The following PRIMA1 variants were observed in gnomAD, a reference collection of about 807,000 sequenced individuals.
PRIMA1 encodes proline-rich membrane anchor 1.
In PRIMA1, 7 loss-of-function variants were observed where a neutral mutation model predicts 17.5. That is an observed-to-expected ratio of 0.40 (90% confidence interval 0.23 to 0.75). The LOEUF (loss-of-function observed/expected upper bound fraction) is 0.75. PRIMA1 is among the 30% of genes least tolerant of loss of function. The probability of loss-of-function intolerance (pLI) is 0.37; values close to 1 mark genes in which losing one functional copy is unlikely to be tolerated. For missense variants in PRIMA1, 200 were observed against 201.8 expected, an observed-to-expected ratio of 0.99 and a Z score of 0.05; for synonymous variants, 97 against 77.9, an observed-to-expected ratio of 1.25 and a Z score of -1.29.
At chr14:93,742,117 T>TTA in intron 3 of PRIMA1, among the ~76,000 whole-genome samples, 1 of 152,198 alleles carries the variant, frequency 6.6e-6, no homozygotes, top group Non-Finnish European at 1.5e-5. Flanking sequence ...GGGCCAGATC[T>TTA]GCCCTCCTGT....
chr14:93,767,408 A>T (rs1884923807), intron 3 of PRIMA1, among the ~76,000 whole-genome samples: 1 of 152,106 alleles, frequency 6.6e-6, no homozygotes, highest in Non-Finnish European at 1.5e-5. Flanking sequence ...AGAGAGGAGG[A>T]GCAGGGAAAG....
At chr14:93,783,536 A>G (rs1347612854) in intron 2 of PRIMA1, among the ~76,000 whole-genome samples, 4 of 152,202 alleles carry the variant, frequency 2.6e-5, no homozygotes, top group Admixed American at 2.6e-4. Flanking sequence ...ATCTTGGGGA[A>G]TTTCAAAAGG....
chr14:93,786,155 G>C (rs75744899), intron 2 of PRIMA1, among the ~76,000 whole-genome samples: 4 of 152,122 alleles, frequency 2.6e-5, no homozygotes, highest in African/African-American at 9.7e-5. Context: ...ATCTAAAAAC[G>C]AAGTGAACTC....
intron 4 of PRIMA1, among the ~76,000 whole-genome samples, chr14:93,735,628 G>A (rs1449173180): frequency 2.6e-5 from 4 of 151,876 alleles, no homozygotes; most frequent in African/African-American, 9.7e-5. Context: ...TACAAAACAC[G>A]TGGGAATTGG....
At position 93,720,703 on chromosome 14, in the gene PRIMA1, G is replaced by GGGCT. The variant is rs1250215848; in HGVS notation, c.*737_*740dup. On this transcript the variant is annotated 3_prime_UTR_variant, in exon 5 of 5. Transcript: ENST00000393140. ...GCCTCTGCCCTTGCCCAGTGGCCCT[G>GGGCT]GGCTGCGGGTTCAGTGAGTCGTTTT... is the stretch of plus-strand genomic sequence containing the variant. The GGGCT allele has an allele frequency of 6.5e-6, 1 of 152,780 alleles. No homozygotes were observed. Among genetic ancestry groups the GGGCT allele is most frequent in the Non-Finnish European group, 1.5e-5 (1 of 68,230 alleles). The allele number at this position is 152,780 out of a possible 1,614,324, so 9.5% of individuals were successfully genotyped here.
chr14:93,723,017 G>A lies in PRIMA1; in HGVS notation c.360-1471C>T, dbSNP rs947822537. ...GCTCTGAGAAGGCTGTTGCTCACTTGCTGGGGTTCTGAAATTACAGTGTAC... is the reference window on the plus strand; with the variant it reads ...GCTCTGAGAAGGCTGTTGCTCACTTACTGGGGTTCTGAAATTACAGTGTAC... On this transcript the variant is annotated intron_variant, in intron 4 of 4. Transcript: ENST00000393140. Among the ~76,000 whole-genome samples, 3 of 152,216 alleles carry A rather than the reference G, an allele frequency of 2.0e-5. No homozygotes were observed. The East Asian group carries it at 5.8e-4, about 29-fold the overall frequency.
intron 2 of PRIMA1, among the ~76,000 whole-genome samples, chr14:93,783,705 C>A (rs1398052454): frequency 1.3e-5 from 2 of 152,224 alleles, no homozygotes; most frequent in Admixed American, 1.3e-4. Flanking sequence ...CAATCGTCTG[C>A]CTTCCAGGCC....
intron 4 of PRIMA1, among the ~76,000 whole-genome samples, chr14:93,723,966 C>A (rs1283916703): frequency 1.3e-5 from 2 of 152,212 alleles, no homozygotes; most frequent in Admixed American, 6.5e-5. Flanking sequence ...CTCACTGCAA[C>A]CTTGCACTCC....
intron 3 of PRIMA1, among the ~76,000 whole-genome samples, chr14:93,741,037 T>C (rs1214674911): frequency 6.6e-6 from 1 of 152,184 alleles, no homozygotes; most frequent in Non-Finnish European, 1.5e-5. Context: ...CCCTCTAATA[T>C]TCTGCAAGCA....
intron 3 of PRIMA1, among the ~76,000 whole-genome samples, chr14:93,773,985 G>A (rs1432621807): frequency 1.3e-5 from 2 of 152,064 alleles, no homozygotes; most frequent in Non-Finnish European, 2.9e-5. Context: ...CCAGCTACTC[G>A]GGAAGCTGAG....
At chr14:93,781,978 A>G (rs1885389486) in intron 2 of PRIMA1, among the ~76,000 whole-genome samples, 1 of 136,956 alleles carries the variant, frequency 7.3e-6, no homozygotes, top group Non-Finnish European at 1.6e-5. Flanking sequence ...AGTCTCAAAA[A>G]AGAATAAGGC....
In PRIMA1 at chr14:93,787,742, G is replaced by T; in HGVS notation, c.-24C>A. The T allele has an allele frequency of 6.5e-7, 1 of 1,540,612 alleles. No homozygotes were observed. ...ATCTCGGCCAGCGGCGCCCGCTCCTGGGGCGAACTGTCAGGAGAGCAAGGC... is the reference window on the plus strand; with the variant it reads ...ATCTCGGCCAGCGGCGCCCGCTCCTTGGGCGAACTGTCAGGAGAGCAAGGC... On this transcript the variant is annotated 5_prime_UTR_variant, in exon 2 of 5. Transcript: ENST00000393140.
chr14:93,750,113 G>C (rs186580324), intron 3 of PRIMA1, among the ~76,000 whole-genome samples: 1 of 152,214 alleles, frequency 6.6e-6, no homozygotes, highest in East Asian at 1.9e-4. Context: ...GCTTGAGCCC[G>C]GGAGGCAGAG....
intron 3 of PRIMA1, among the ~76,000 whole-genome samples, chr14:93,760,178 T>C (rs2076318360): frequency 6.6e-6 from 1 of 152,198 alleles, no homozygotes; most frequent in African/African-American, 2.4e-5. Flanking sequence ...AATCAGTGGT[T>C]GCCACAGTGA....
chr14:93,742,473 T>C (rs150689202), intron 3 of PRIMA1, among the ~76,000 whole-genome samples: 1 of 152,168 alleles, frequency 6.6e-6, no homozygotes, highest in East Asian at 1.9e-4. Flanking sequence ...GGGAAATAAA[T>C]AGAAAAGAGA....
At chr14:93,770,959 C>G (rs980815513) in intron 3 of PRIMA1, among the ~76,000 whole-genome samples, 2 of 152,156 alleles carry the variant, frequency 1.3e-5, no homozygotes, top group African/African-American at 4.8e-5. Flanking sequence ...CTGTGTACGA[C>G]TAACAAAGGA....
intron 4 of PRIMA1, chr14:93,725,716 C>T (rs982054841): frequency 2.9e-6 from 1 of 339,834 alleles, no homozygotes; most frequent in South Asian, 2.3e-5. Flanking sequence ...GTCTGGCATA[C>T]CGTAAGTGCT....
chr14:93,780,454 A>T (rs1226780300), intron 2 of PRIMA1, among the ~76,000 whole-genome samples: 1 of 152,196 alleles, frequency 6.6e-6, no homozygotes, highest in African/African-American at 2.4e-5. Context: ...TGAATATGAA[A>T]AACTGGGCCA....
At chr14:93,773,449 C>T (rs569090176) in intron 3 of PRIMA1, among the ~76,000 whole-genome samples, 2 of 152,324 alleles carry the variant, frequency 1.3e-5, no homozygotes, top group South Asian at 4.1e-4. Context: ...CGGGCCCCAC[C>T]CCAGACCTAC....
Sources: allele counts gnomAD v4.1 joint callset (sites outside exome capture counted in the v4.1 genomes callset), GRCh38; gene constraint gnomAD v4.1.1; transcripts MANE v1.5; gene names NCBI Gene and HGNC (gene_info 2026-07-23, HGNC 2026-07-21).